Variants in RBL2 observed in about 807,000 individuals in gnomAD.
RBL2 encodes the protein RB transcriptional corepressor like 2, also known as retinoblastoma-like protein 2.
Under a neutral mutation model 126.0 loss-of-function variants are expected in RBL2, and 56 were observed. The observed-to-expected ratio is 0.44, with a 90% confidence interval of 0.36 to 0.56. RBL2 has a LOEUF of 0.56. RBL2 is among the 20% of genes least tolerant of loss of function. RBL2 has a pLI of 0.00. For synonymous variants in RBL2, 454 were observed against 478.5 expected, an observed-to-expected ratio of 0.95 and a Z score of 0.67; for missense variants, 1,229 against 1,398.2, an observed-to-expected ratio of 0.88 and a Z score of 1.93.
chr16:53,486,383 TA>T (rs1961177630), intron 21 of RBL2, among the ~76,000 whole-genome samples: 1 of 152,164 alleles, frequency 6.6e-6, no homozygotes, highest in African/African-American at 2.4e-5. Flanking sequence ...ACTCAAGTAG[TA>T]GTCTCAGTAG....
chr16:53,443,970 C>T (rs528760929), intron 3 of RBL2, among the ~76,000 whole-genome samples: 1 of 152,292 alleles, frequency 6.6e-6, no homozygotes, highest in African/African-American at 2.4e-5. Flanking sequence ...CATTCTGAGC[C>T]AGGCGGGTTG....
chr16:53,469,936 T>C lies in RBL2; in HGVS notation c.1996T>C (p.Leu666=). The change falls in exon 15 of 22, where the codon TTA becomes CTA. Residue 666 remains leucine (L), a synonymous_variant. Transcript: ENST00000262133. ...CCTAGGCATAACATCTCCAACCACA[T>C]TATACGATAGGTACAGCTCCCCACC... ...LGRSITSPTT[L]YDRYSSPPAS... 1 of 1,588,298 alleles carries C rather than the reference T, an allele frequency of 6.3e-7. No homozygotes were observed. Among genetic ancestry groups the C allele is most frequent in the Non-Finnish European group, 8.6e-7 (1 of 1,163,936 alleles).
At chr16:53,444,706 G>A (rs1280930205) in intron 3 of RBL2, among the ~76,000 whole-genome samples, 1 of 152,086 alleles carries the variant, frequency 6.6e-6, no homozygotes, top group Non-Finnish European at 1.5e-5. Context: ...AAATTAGGCA[G>A]GTATGGTGGT....
chr16:53,475,835 CTTTTTTTT>C (rs10540773), intron 17 of RBL2, among the ~76,000 whole-genome samples: 37 of 76,450 alleles, frequency 4.8e-4, no homozygotes, highest in South Asian at 1.8e-3. Flanking sequence ...ATTTCAATAT[CTTTTTTTT>C]TTTTTTTTTT....
rs1357570533 is a variant in RBL2, at chr16:53,491,529, A to AACTT, written c.*1232_*1235dup. 1.2e-4 allele frequency: 19 copies of AACTT among 152,736 alleles called. No homozygotes were observed. Among genetic ancestry groups the AACTT allele is most frequent in the Admixed American group, 8.5e-4 (13 of 15,302 alleles). 9.5% of individuals were successfully genotyped at this position (152,736 alleles called of 1,614,324 possible). A position where few individuals can be genotyped will look rare whatever the true frequency, so the allele number is the denominator to read the frequency against. ...CTTCATATTGCTGAGAGAAATATGGAACTTACATTGTTCAATTAGAATAGT... is the reference window on the plus strand; with the variant it reads ...CTTCATATTGCTGAGAGAAATATGGAACTTACTTACATTGTTCAATTAGAATAGT... On this transcript the variant is annotated 3_prime_UTR_variant, in exon 22 of 22. Transcript: ENST00000262133.
intron 4 of RBL2, among the ~76,000 whole-genome samples, chr16:53,451,209 TATTA>T (rs1229704702): frequency 1.3e-5 from 2 of 152,162 alleles, no homozygotes; most frequent in Non-Finnish European, 2.9e-5. Flanking sequence ...GTTAGACATT[TATTA>T]ATTTATTAAA....
chr16:53,442,536 T>C, intron 2 of RBL2, 122 bp from the exon 3 acceptor site: 1 of 740,302 alleles, frequency 1.4e-6, no homozygotes, highest in Non-Finnish European at 2.1e-6. Context: ...GTTGTGATTT[T>C]ATTTCACTGT....
At chr16:53,482,533 G>C (rs1013391231) in intron 21 of RBL2, among the ~76,000 whole-genome samples, 1 of 152,174 alleles carries the variant, frequency 6.6e-6, no homozygotes, top group African/African-American at 2.4e-5. Context: ...TTAGAGGCTG[G>C]GCGTTGTGGC....
At chr16:53,462,421 C>A in intron 10 of RBL2, 131 bp from the exon 11 acceptor site, 2 of 528,716 alleles carry the variant, frequency 3.8e-6, no homozygotes, top group Non-Finnish European at 3.3e-6. Context: ...AAACACCAAT[C>A]ATAAGAAGTG....
intron 21 of RBL2, chr16:53,487,984 T>C (rs1008837385): frequency 6.6e-6 from 1 of 152,196 alleles, no homozygotes; most frequent in Non-Finnish European, 1.5e-5. Flanking sequence ...GAACGCAAAA[T>C]GGCATCGCCA....
rs1567726148 is a variant in RBL2, at chr16:53,442,640, G to GT, written c.372-15dup. 1 of 1,572,230 alleles carries GT rather than the reference G, an allele frequency of 6.4e-7. No homozygotes were observed. Among genetic ancestry groups the GT allele is most frequent in the East Asian group, 2.2e-5 (1 of 44,618 alleles). On this transcript the variant is annotated splice_polypyrimidine_tract_variant and intron_variant, in intron 2 of 21. Coordinates refer to ENST00000262133, the MANE Select transcript of RBL2 (RefSeq NM_005611.4). Reference sequence around the variant, plus strand: ...CCTTATGTTAATTATGAAATATCTTGTTTGTCTTTAATACCAGCTTAATCG... The same window carrying GT: ...CCTTATGTTAATTATGAAATATCTTGTTTTGTCTTTAATACCAGCTTAATCG...
rs868772465 is a variant in RBL2, at chr16:53,454,905, A to G, written c.1179+63A>G. On this transcript the variant is annotated intron_variant, in intron 8 of 21. Transcript: ENST00000262133. ...GCAGGTAAGCCAGGGGTTCTTTTTTATTTTGGTAATTTCATGTTTGTGTTT... is the reference window on the plus strand; with the variant it reads ...GCAGGTAAGCCAGGGGTTCTTTTTTGTTTTGGTAATTTCATGTTTGTGTTT... The G allele has an allele frequency of 4.3e-5, 59 of 1,367,490 alleles. 2 individuals are homozygous for G. The Middle Eastern group carries it at 6.3e-3, about 145-fold the overall frequency. The allele number at this position is 1,367,490 out of a possible 1,614,324, so 84.7% of individuals were successfully genotyped here.
At chr16:53,488,800 G>C (rs901573695) in intron 21 of RBL2, 1 of 152,182 alleles carries the variant, frequency 6.6e-6, no homozygotes, top group Non-Finnish European at 1.5e-5. Context: ...AATGTATACA[G>C]TAAACAGTGT....
intron 1 of RBL2, among the ~76,000 whole-genome samples, chr16:53,437,180 GCTTT>G (rs1169765504): frequency 2.0e-5 from 3 of 151,598 alleles, no homozygotes; most frequent in Admixed American, 6.6e-5. Context: ...TTAACTTTAT[GCTTT>G]CTAAGAGATA....
chr16:53,445,389 A>G (rs1254168106), intron 3 of RBL2, among the ~76,000 whole-genome samples: 1 of 151,976 alleles, frequency 6.6e-6, no homozygotes, highest in Admixed American at 6.6e-5. Flanking sequence ...CACTTTGTAT[A>G]CTTTCTGTTA....
intron 17 of RBL2, among the ~76,000 whole-genome samples, chr16:53,474,937 TA>T (rs1451116872): frequency 1.3e-5 from 2 of 152,230 alleles, no homozygotes; most frequent in African/African-American, 4.8e-5. Flanking sequence ...TTCTTGGTAT[TA>T]ATGTTTTAAA....
In RBL2 at chr16:53,491,411, A is replaced by G. The variant is rs1347424601; in HGVS notation, c.*1111A>G. 6.6e-6 allele frequency: 1 copy of G among 152,344 alleles called. No homozygotes were observed. Among genetic ancestry groups the G allele is most frequent in the Non-Finnish European group, 1.5e-5 (1 of 68,026 alleles). 9.4% of individuals were successfully genotyped at this position (152,344 alleles called of 1,614,324 possible). On this transcript the variant is annotated 3_prime_UTR_variant, in exon 22 of 22. Coordinates refer to ENST00000262133, the MANE Select transcript of RBL2 (RefSeq NM_005611.4). ...TCTATACATATCTTTATTAATCACTATTGTTCCAGCAGTTTTCAAGTCAAA... is the reference window on the plus strand; with the variant it reads ...TCTATACATATCTTTATTAATCACTGTTGTTCCAGCAGTTTTCAAGTCAAA...
chr16:53,444,587 CAT>C lies in RBL2; in HGVS notation c.572+1732_572+1733del, dbSNP rs200563213. 7.5e-3 allele frequency among the ~76,000 whole-genome samples: 1,116 copies of C among 148,984 alleles called. 19 individuals carry two copies. Among genetic ancestry groups the C allele is most frequent in the African/African-American group, 0.027 (1,071 of 39,688 alleles). ...ATAAATAAATAAATAAATAAAATGA[CAT>C]ATTCTCCTAGCACTTTGGGAGGCCG... On this transcript the variant is annotated intron_variant, in intron 3 of 21. Transcript: ENST00000262133.
At chr16:53,439,931 G>A (rs556181324) in intron 2 of RBL2, among the ~76,000 whole-genome samples, 14 of 140,288 alleles carry the variant, frequency 1.0e-4, no homozygotes, top group African/African-American at 3.1e-4. Context: ...TCCAGCCTGG[G>A]CCACAGAGCA....
Sources: allele counts gnomAD v4.1 joint callset (sites outside exome capture counted in the v4.1 genomes callset), GRCh38; gene constraint gnomAD v4.1.1; transcripts MANE v1.5; gene names NCBI Gene and HGNC (gene_info 2026-07-23, HGNC 2026-07-21).